HPSE2: variants seen among roughly 807,000 people sequenced by gnomAD.
The protein encoded by HPSE2 is heparanase 2 (inactive).
HPSE2 carries 38 observed loss-of-function variants against 60.5 expected under a neutral mutation model. The ratio of observed to expected loss-of-function variants is 0.63; its 90% CI spans 0.48 to 0.82. The LOEUF (loss-of-function observed/expected upper bound fraction) is 0.82. Among genes scored for constraint, HPSE2 ranks in the 40% least tolerant of loss-of-function variants. The probability of loss-of-function intolerance (pLI) is 0.00; values close to 1 mark genes in which losing one functional copy is unlikely to be tolerated. For synonymous variants in HPSE2, 295 were observed against 293.2 expected (o/e 1.01, Z -0.06); for missense variants, 713 against 740.4 (o/e 0.96, Z 0.43).
chr10:98,504,744 C>T (rs918608974), intron 9 of HPSE2, among the ~76,000 whole-genome samples: 7 of 150,094 alleles, frequency 4.7e-5, no homozygotes, highest in Admixed American at 3.3e-4. Context: ...GAGCTGAGAT[C>T]GCACCACTGC....
At chr10:98,943,912 T>G (rs1955100608) in intron 3 of HPSE2, among the ~76,000 whole-genome samples, 1 of 152,190 alleles carries the variant, frequency 6.6e-6, no homozygotes, top group South Asian at 2.1e-4. Context: ...CAGCTTCCAA[T>G]TTTTTCCCCA....
At chr10:98,991,514 G>A (rs1277998056) in intron 3 of HPSE2, among the ~76,000 whole-genome samples, 1 of 152,148 alleles carries the variant, frequency 6.6e-6, no homozygotes, top group Non-Finnish European at 1.5e-5. Flanking sequence ...AGACAGTGGG[G>A]AGTAAAGTGG....
intron 3 of HPSE2, among the ~76,000 whole-genome samples, chr10:99,061,340 A>G (rs757727784): frequency 6.6e-6 from 1 of 152,190 alleles, no homozygotes; most frequent in Non-Finnish European, 1.5e-5. Context: ...ATGTGTGTTC[A>G]TTTCTGTTAC....
At chr10:98,500,820 A>G (rs1942005763) in intron 9 of HPSE2, among the ~76,000 whole-genome samples, 1 of 152,126 alleles carries the variant, frequency 6.6e-6, no homozygotes, top group South Asian at 2.1e-4. Flanking sequence ...TAAGAAAAGA[A>G]GAGAGAAAGT....
chr10:98,986,844 A>G (rs924794285), intron 3 of HPSE2, among the ~76,000 whole-genome samples: 1 of 152,206 alleles, frequency 6.6e-6, no homozygotes, highest in Non-Finnish European at 1.5e-5. Context: ...ACAAACTACC[A>G]TCAGAGAATA....
At chr10:98,577,150 G>A (rs900901221) in intron 9 of HPSE2, among the ~76,000 whole-genome samples, 8 of 151,444 alleles carry the variant, frequency 5.3e-5, no homozygotes, top group South Asian at 4.2e-4. Context: ...GATACCCACC[G>A]AGAATGGAAA....
chr10:98,824,943 T>C (rs1951508569), intron 3 of HPSE2, among the ~76,000 whole-genome samples: 1 of 152,176 alleles, frequency 6.6e-6, no homozygotes, highest in Non-Finnish European at 1.5e-5. Flanking sequence ...CCTTCCTCCT[T>C]CTCTTTTATT....
chr10:98,773,738 C>G (rs551424837), intron 3 of HPSE2, among the ~76,000 whole-genome samples: 5 of 152,172 alleles, frequency 3.3e-5, no homozygotes, highest in Non-Finnish European at 5.9e-5. Flanking sequence ...TAAATCTATA[C>G]GATGAAATTC....
At chr10:98,986,515 C>T (rs1589467123) in intron 3 of HPSE2, among the ~76,000 whole-genome samples, 1 of 151,286 alleles carries the variant, frequency 6.6e-6, no homozygotes, top group South Asian at 2.1e-4. Flanking sequence ...AAATTTATAG[C>T]ACTAAATGCC....
intron 3 of HPSE2, among the ~76,000 whole-genome samples, chr10:98,873,812 C>T (rs1952799019): frequency 6.6e-6 from 1 of 152,094 alleles, no homozygotes; most frequent in East Asian, 1.9e-4. Flanking sequence ...AATGGTTGAG[C>T]TAATTTACAT....
chr10:99,225,091 A>T (rs539541657), intron 2 of HPSE2, among the ~76,000 whole-genome samples: 2 of 152,146 alleles, frequency 1.3e-5, no homozygotes, highest in Non-Finnish European at 2.9e-5. Context: ...AAATGCATCC[A>T]TTTTGATTTC....
chr10:98,626,776 CT>C (rs111955489), intron 7 of HPSE2, among the ~76,000 whole-genome samples: 13 of 148,070 alleles, frequency 8.8e-5, no homozygotes, highest in Non-Finnish European at 1.5e-4. Context: ...TATTATTTTT[CT>C]TTTTTTTTTT....
chr10:98,732,103 C>A (rs1048423473), intron 4 of HPSE2, among the ~76,000 whole-genome samples: 1 of 152,034 alleles, frequency 6.6e-6, no homozygotes, highest in Non-Finnish European at 1.5e-5. Flanking sequence ...AACTTATACA[C>A]TGAAAACTAC....
intron 3 of HPSE2, among the ~76,000 whole-genome samples, chr10:98,803,325 A>G (rs1950962274): frequency 6.7e-6 from 1 of 149,930 alleles, no homozygotes; most frequent in African/African-American, 2.5e-5. Context: ...CTTTAGTTTA[A>G]TTAGATCCCA....
chr10:99,271,284 A>G, the HPSE2 span, among the ~76,000 whole-genome samples: 20 of 152,264 alleles, frequency 1.3e-4, no homozygotes, highest in African/African-American at 4.6e-4. Flanking sequence ...GGAATTCAGC[A>G]AAGTTTCAGG....
chr10:99,015,197 G>A (rs1245380413), intron 3 of HPSE2, among the ~76,000 whole-genome samples: 3 of 151,910 alleles, frequency 2.0e-5, no homozygotes. Context: ...TGGAGAAATA[G>A]GAACACTTTT....
intron 9 of HPSE2, among the ~76,000 whole-genome samples, chr10:98,602,145 C>T (rs1291271353): frequency 1.3e-5 from 2 of 152,026 alleles, no homozygotes; most frequent in African/African-American, 4.8e-5. Flanking sequence ...TTTTAATGAA[C>T]AAAAGTAGAA....
intron 3 of HPSE2, among the ~76,000 whole-genome samples, chr10:98,963,996 G>A (rs968732143): frequency 2.0e-5 from 3 of 152,124 alleles, no homozygotes; most frequent in Non-Finnish European, 4.4e-5. Context: ...ACATTATAAT[G>A]CAAGTCAATG....
intron 3 of HPSE2, among the ~76,000 whole-genome samples, chr10:99,078,438 C>CTT (rs1843019429): frequency 6.6e-6 from 1 of 152,064 alleles, no homozygotes. Context: ...CTCTAGATTA[C>CTT]TTATAATACC....
Sources: gnomAD v4.1 joint callset for allele counts (sites outside exome capture counted in the v4.1 genomes callset) on GRCh38, gnomAD v4.1.1 for gene constraint, MANE v1.5 for transcripts, NCBI Gene and HGNC (gene_info 2026-07-23, HGNC 2026-07-21) for gene names.